KCNMA1: variants seen among roughly 807,000 people sequenced by gnomAD.
KCNMA1 encodes potassium calcium-activated channel subfamily M alpha 1, also known as Calcium-activated potassium channel subunit alpha-1.
KCNMA1 carries 29 observed loss-of-function variants against 140.0 expected under a neutral mutation model. The ratio of observed to expected loss-of-function variants is 0.21; its 90% CI spans 0.15 to 0.28. The LOEUF (loss-of-function observed/expected upper bound fraction) is 0.28. Among genes scored for constraint, KCNMA1 ranks in the 10% least tolerant of loss-of-function variants. The probability of loss-of-function intolerance (pLI) is 1.00; values close to 1 mark genes in which losing one functional copy is unlikely to be tolerated. For missense variants in KCNMA1, 880 were observed against 1,602.2 expected, an observed-to-expected ratio of 0.55 and a Z score of 7.70; for synonymous variants, 612 against 611.9, an observed-to-expected ratio of 1.00 and a Z score of 0.00.
At chr10:77,228,551 A>G (rs2052388279) in intron 3 of KCNMA1, among the ~76,000 whole-genome samples, 1 of 152,242 alleles carries the variant, frequency 6.6e-6, no homozygotes, top group Admixed American at 6.5e-5. Context: ...AGCCACCTCT[A>G]CAACAGTTTT....
intron 2 of KCNMA1, among the ~76,000 whole-genome samples, chr10:77,383,350 T>C (rs2095491805): frequency 6.6e-6 from 1 of 151,782 alleles, no homozygotes; most frequent in Admixed American, 6.6e-5. Flanking sequence ...GCTGGGGGCT[T>C]CTAGAAATGT....
rs201288668 is a variant in KCNMA1 at position 77,082,007 on chromosome 10, C to CTTTTT, written c.1524-2462_1524-2458dup. 4.5e-3 allele frequency among the ~76,000 whole-genome samples: 146 copies of CTTTTT among 32,456 alleles called. 1 individual carries two copies. Among genetic ancestry groups the CTTTTT allele is most frequent in the East Asian group, 0.019 (38 of 2,044 alleles). The allele number at this position is 32,456 out of a possible 152,430, so 21.3% of individuals were successfully genotyped here. A position where few individuals can be genotyped will look rare whatever the true frequency, so the allele number is the denominator to read the frequency against. On this transcript the variant is annotated intron_variant, in intron 12 of 27. Transcript: ENST00000286628. The stretch of plus-strand genomic sequence containing the variant: ...GACCAGTAATTTCTTTTTTTCTTTT[C>CTTTTT]TTTTTTTTTTTTTTTTTTTTTTTTT...
intron 9 of KCNMA1, among the ~76,000 whole-genome samples, chr10:77,107,863 AC>A (rs1298392523): frequency 2.0e-5 from 3 of 152,146 alleles, no homozygotes; most frequent in Non-Finnish European, 4.4e-5. Context: ...AGGCCAGATG[AC>A]CTGGATCTGC....
At chr10:77,187,137 G>T (rs373450448) in intron 3 of KCNMA1, among the ~76,000 whole-genome samples, 1 of 152,088 alleles carries the variant, frequency 6.6e-6, no homozygotes, top group South Asian at 2.1e-4. Flanking sequence ...TAATTTGGTG[G>T]TAACCTAGAA....
chr10:77,522,178 A>AAAATAAAT (rs57838652), intron 1 of KCNMA1, among the ~76,000 whole-genome samples: 11,501 of 142,766 alleles, frequency 0.081, 952 homozygotes, highest in African/African-American at 0.21. Context: ...ACTCCATCTC[A>AAAATAAAT]AAATAAATAA....
At chr10:76,950,637 G>A (rs1004839118) in intron 21 of KCNMA1, among the ~76,000 whole-genome samples, 1 of 152,138 alleles carries the variant, frequency 6.6e-6, no homozygotes. Flanking sequence ...AATGTCCACT[G>A]TACATATCAA....
At chr10:77,000,045 G>T (rs543023873) in intron 19 of KCNMA1, among the ~76,000 whole-genome samples, 1 of 152,176 alleles carries the variant, frequency 6.6e-6, no homozygotes, top group Non-Finnish European at 1.5e-5. Flanking sequence ...GCACAGGGGA[G>T]TCAAGCCAGT....
chr10:77,156,179 G>T (rs1039715944), intron 5 of KCNMA1, among the ~76,000 whole-genome samples: 3 of 137,832 alleles, frequency 2.2e-5, no homozygotes, highest in African/African-American at 8.3e-5. Context: ...AGTGAGCCAA[G>T]ATCACACCAC....
At chr10:76,913,993 A>AGTT in intron 24 of KCNMA1, 1 of 1,213,728 alleles carries the variant, frequency 8.2e-7, no homozygotes, top group Non-Finnish European at 1.2e-6. Context: ...AGCTGATGAT[A>AGTT]GTTGGAAACA....
chr10:76,890,152 G>T (rs1441867368), intron 26 of KCNMA1, among the ~76,000 whole-genome samples: 1 of 152,174 alleles, frequency 6.6e-6, no homozygotes, highest in African/African-American at 2.4e-5. Context: ...AGGAGCCAGG[G>T]GTCTGCAGGC....
intron 19 of KCNMA1, among the ~76,000 whole-genome samples, chr10:76,992,988 AAGG>A (rs1243126150): frequency 2.0e-5 from 3 of 152,206 alleles, no homozygotes; most frequent in African/African-American, 4.8e-5. Flanking sequence ...CTTCCTGAGA[AAGG>A]AGGAGAAAAG....
chr10:77,617,500 C>T (rs2154569071), intron 1 of KCNMA1, among the ~76,000 whole-genome samples: 1 of 152,294 alleles, frequency 6.6e-6, no homozygotes, highest in South Asian at 2.1e-4. Context: ...GTTTAAGAAG[C>T]TGAGTAGCTT....
chr10:77,288,760 T>A (rs1394291474), intron 2 of KCNMA1, among the ~76,000 whole-genome samples: 8 of 152,198 alleles, frequency 5.3e-5, no homozygotes, highest in African/African-American at 1.9e-4. Flanking sequence ...TATGGCCAAT[T>A]GATGGCCTGA....
At chr10:77,058,333 C>T (rs1476184606) in intron 14 of KCNMA1, among the ~76,000 whole-genome samples, 1 of 152,012 alleles carries the variant, frequency 6.6e-6, no homozygotes, top group African/African-American at 2.4e-5. Context: ...GCATCCTTCT[C>T]GTAGTAAGAT....
At chr10:76,965,067 C>T (rs1245888250) in intron 20 of KCNMA1, among the ~76,000 whole-genome samples, 2 of 152,120 alleles carry the variant, frequency 1.3e-5, no homozygotes, top group African/African-American at 4.8e-5. Context: ...GGTAAGGCCC[C>T]CAAATTAAGA....
chr10:77,267,546 A>G (rs762682593), intron 2 of KCNMA1, among the ~76,000 whole-genome samples: 13 of 152,018 alleles, frequency 8.6e-5, no homozygotes, highest in Admixed American at 3.3e-4. Flanking sequence ...AGCTTTCCAG[A>G]GTTATTTGGT....
intron 2 of KCNMA1, among the ~76,000 whole-genome samples, chr10:77,280,163 A>T (rs2068003292): frequency 6.6e-6 from 1 of 152,210 alleles, no homozygotes; most frequent in Non-Finnish European, 1.5e-5. Context: ...TCTCAAGTGG[A>T]ATGGTAAAAA....
rs547659990 is a variant in KCNMA1 at position 77,157,544 on chromosome 10, TAAA to T, written c.808+25874_808+25876del. On this transcript the variant is annotated intron_variant, in intron 5 of 27. Coordinates refer to ENST00000286628, the MANE Select transcript of KCNMA1 (RefSeq NM_001161352.2). ...TGAATATGTTGAGTTTTTTAAATAA[TAAA>T]ATAATTATTTTGAAAATACATAAGG... 2.4e-3 allele frequency among the ~76,000 whole-genome samples: 365 copies of T among 152,206 alleles called. 3 individuals carry two copies. The highest frequency in any genetic ancestry group is 8.5e-3 in the African/African-American group (355 of 41,560).
At chr10:77,616,262 C>T (rs115982188) in intron 1 of KCNMA1, among the ~76,000 whole-genome samples, 2,043 of 152,308 alleles carry the variant, frequency 0.013, 41 homozygotes, top group African/African-American at 0.046. Flanking sequence ...GCAATCCAAC[C>T]TGGATGGACT....
Sources: gnomAD v4.1 joint callset for allele counts (sites outside exome capture counted in the v4.1 genomes callset) on GRCh38, gnomAD v4.1.1 for gene constraint, MANE v1.5 for transcripts, NCBI Gene and HGNC (gene_info 2026-07-23, HGNC 2026-07-21) for gene names.